SMARCA2: variants seen among roughly 807,000 people sequenced by gnomAD.
SMARCA2 encodes the protein SWI/SNF-related matrix-associated actin-dependent regulator of chromatin subfamily A member 2.
SMARCA2 carries 61 observed loss-of-function variants against 199.8 expected under a neutral mutation model. The observed-to-expected ratio is 0.31, with a 90% confidence interval of 0.25 to 0.38. The LOEUF (loss-of-function observed/expected upper bound fraction) is 0.38, where lower values mean the gene tolerates loss of function less well. SMARCA2 is among the 10% of genes least tolerant of loss of function. The pLI is 1.00. For synonymous variants in SMARCA2, 935 were observed against 732.0 expected (o/e 1.28, Z -4.48); for missense variants, 1,344 against 2,012.2 (o/e 0.67, Z 6.35).
At chr9:2,087,591 CATAA>C (rs1821855939) in intron 18 of SMARCA2, among the ~76,000 whole-genome samples, 1 of 151,366 alleles carries the variant, frequency 6.6e-6, no homozygotes. Flanking sequence ...TTTGTGTGTA[CATAA>C]ATAGTCTTCC....
At position 2,084,220 on chromosome 9, in the gene SMARCA2, C is replaced by T. The variant is rs372202222; in HGVS notation, c.2526+24C>T. ...AGGTATGTTTTTAAAAAATTATTTT[C>T]TCTCTAATTAGGACCATTGCACTGG... On this transcript the variant is annotated intron_variant, in intron 17 of 33. Transcript: ENST00000349721. The T allele has an allele frequency of 2.7e-5, 35 of 1,288,640 alleles. No individual in the cohort carries two copies. In the East Asian group the frequency reaches 7.9e-4, roughly 29 times the overall value. 79.8% of individuals were successfully genotyped at this position (1,288,640 alleles called of 1,614,324 possible).
chr9:2,015,670 A>G (rs887541229), intron 1 of SMARCA2, among the ~76,000 whole-genome samples: 1 of 152,200 alleles, frequency 6.6e-6, no homozygotes, highest in Non-Finnish European at 1.5e-5. Flanking sequence ...GAAACGAGAA[A>G]GTTTCAACCG....
rs533478877 is a variant in SMARCA2, at chr9:2,102,998, C to T, written c.3126-1005C>T. On this transcript the variant is annotated intron_variant, in intron 22 of 33. Transcript: ENST00000349721. ...TTTTTAATTTCTCAAATCCTTCTGT[C>T]TCCTTTACCCCTCAGGACCTTTATG... 1.5e-4 allele frequency among the ~76,000 whole-genome samples: 22 copies of T among 148,232 alleles called. No homozygotes were observed. In the South Asian group the frequency reaches 3.6e-3, roughly 24 times the overall value.
chr9:2,094,140 C>G (rs982435879), intron 19 of SMARCA2, among the ~76,000 whole-genome samples: 1 of 152,166 alleles, frequency 6.6e-6, no homozygotes, highest in African/African-American at 2.4e-5. Flanking sequence ...GAGACAAGTA[C>G]AAAAACAAAC....
chr9:2,155,052 C>A (rs943653062), intron 27 of SMARCA2, among the ~76,000 whole-genome samples: 6 of 152,104 alleles, frequency 3.9e-5, no homozygotes, highest in Non-Finnish European at 8.8e-5. Flanking sequence ...TTTGATTCTA[C>A]CCCAGGGAGC....
chr9:2,159,015 C>G (rs778042491), intron 27 of SMARCA2: 4 of 1,608,952 alleles, frequency 2.5e-6, no homozygotes, highest in East Asian at 4.5e-5. Context: ...ATTCCAAAAC[C>G]TAAATTTAAT....
Position 2,115,051 on chromosome 9 carries a change from A to G in SMARCA2, c.3457-771A>G, listed in dbSNP as rs904171306. Among the ~76,000 whole-genome samples, 1 of 152,094 alleles carries G rather than the reference A, an allele frequency of 6.6e-6. No individual in the cohort carries two copies. The highest frequency in any genetic ancestry group is 2.4e-5 in the African/African-American group (1 of 41,408). On this transcript the variant is annotated intron_variant, in intron 24 of 33. Coordinates refer to ENST00000349721, the MANE Select transcript of SMARCA2 (RefSeq NM_003070.5). The surrounding 1 kb of genome is among the most constrained non-coding windows in gnomAD (Gnocchi z 6.0). ...TATTGTTGAATGTTTCTTTTTTTAA[A>G]AAAAAAGCCATTAGAGAGAGTAAAT...
rs1644628579 is a variant in SMARCA2, at chr9:2,129,300, C to A, written c.3981+5363C>A. Among the ~76,000 whole-genome samples the A allele has an allele frequency of 1.3e-5, 2 of 152,264 alleles. 1 individual carries two copies. The highest frequency in any genetic ancestry group is 4.1e-4 in the South Asian group (2 of 4,822). On this transcript the variant is annotated intron_variant, in intron 27 of 33. Transcript: ENST00000349721. ...GGGCGTGGTGGCACGTGCCTGTAGT[C>A]CCAGCTGCTTGGGAGGCTGAGGCAG... is the stretch of plus-strand genomic sequence containing the variant.
rs749279138 is a variant in SMARCA2, at chr9:2,029,126, C to T, written c.104C>T (p.Pro35Leu). 3.7e-6 allele frequency: 6 copies of T among 1,609,242 alleles called. No homozygotes were observed. In the African/African-American group the frequency reaches 8.0e-5, roughly 22 times the overall value. The change falls in exon 2 of 34, where the codon CCA becomes CTA. Residue 35 changes from proline to leucine, a missense_variant. This residue lies in a region of SMARCA2 where 275 missense variants were observed against 247.5 expected (regional missense o/e 1.11). Coordinates refer to ENST00000349721, the MANE Select transcript of SMARCA2 (RefSeq NM_003070.5). ...PILGPSPGPG[P>L]SPGSVHSMMG... ...CTTGGGCCTAGTCCAGGACCAGGAC[C>T]ATCCCCAGGTTCCGTCCACAGCATG...
chr9:2,151,460 A>C (rs559626953), intron 27 of SMARCA2, among the ~76,000 whole-genome samples: 6 of 151,084 alleles, frequency 4.0e-5, no homozygotes, highest in African/African-American at 1.4e-4. Flanking sequence ...GGCTGGGCAC[A>C]GTGGCTCATG....
chr9:2,020,386 G>C (rs72687572), intron 1 of SMARCA2, among the ~76,000 whole-genome samples: 13,684 of 152,066 alleles, frequency 0.09, 723 homozygotes, highest in East Asian at 0.21. Context: ...TAAAGCCATG[G>C]GTCATTCGCT....
At chr9:2,163,805 G>C (rs1378790656) in intron 28 of SMARCA2, among the ~76,000 whole-genome samples, 3 of 152,152 alleles carry the variant, frequency 2.0e-5, no homozygotes, top group African/African-American at 7.2e-5. Flanking sequence ...TTCATTCTAA[G>C]GTGATGGCTG....
chr9:2,024,397 T>C (rs1818736211), intron 1 of SMARCA2, among the ~76,000 whole-genome samples: 1 of 152,174 alleles, frequency 6.6e-6, no homozygotes, highest in African/African-American at 2.4e-5. Flanking sequence ...CGCACAAGTC[T>C]GATTTCCGTA....
In SMARCA2 at chr9:2,131,571, G is replaced by T. The variant is rs1008050112; in HGVS notation, c.3981+7634G>T. Among the ~76,000 whole-genome samples, 49 of 152,164 alleles carry T rather than the reference G, an allele frequency of 3.2e-4. 1 individual carries two copies. The highest frequency in any genetic ancestry group is 1.2e-3 in the African/African-American group (48 of 41,442). On this transcript the variant is annotated intron_variant, in intron 27 of 33. Transcript: ENST00000349721. ...TTTTCCTTGACCAGTCTGTCACCAG[G>T]TGACAGCCTGAGCTTCCCATGGTGA...
rs1563814276 is a variant in SMARCA2 at position 2,161,498 on chromosome 9, C to G, written c.3982-188C>G. Among the ~76,000 whole-genome samples, 1 of 152,170 alleles carries G rather than the reference C, an allele frequency of 6.6e-6. No homozygotes were observed. The highest frequency in any genetic ancestry group is 2.4e-5 in the African/African-American group (1 of 41,444). ...ATGAAACAGACTTGAGTTAAAGATG[C>G]ATTTATCCAATATGGTAGCATTCCT... On this transcript the variant is annotated intron_variant, in intron 27 of 33. Coordinates refer to ENST00000349721, the MANE Select transcript of SMARCA2 (RefSeq NM_003070.5). The surrounding 1 kb of genome is among the most constrained non-coding windows in gnomAD (Gnocchi z 4.7).
chr9:2,065,394 T>G (rs951438108), intron 9 of SMARCA2, among the ~76,000 whole-genome samples: 2 of 152,224 alleles, frequency 1.3e-5, no homozygotes, highest in Non-Finnish European at 2.9e-5. Flanking sequence ...AGACCAGATA[T>G]AGTCTTCATT....
At chr9:2,188,010 T>C (rs941888581) in intron 32 of SMARCA2, among the ~76,000 whole-genome samples, 4 of 152,160 alleles carry the variant, frequency 2.6e-5, no homozygotes, top group African/African-American at 7.2e-5. Flanking sequence ...TGTAGAGATA[T>C]AGAATTACAC....
At chr9:2,064,820 C>T (rs1037381529) in intron 9 of SMARCA2, among the ~76,000 whole-genome samples, 1 of 152,204 alleles carries the variant, frequency 6.6e-6, no homozygotes, top group Non-Finnish European at 1.5e-5. Context: ...TCTCACAGTA[C>T]TTTAGGGTAC....
rs1474935218 is a variant in SMARCA2, at chr9:2,039,551, G to T, written c.441G>T (p.Gln147His). The T allele has an allele frequency of 1.2e-6, 2 of 1,614,138 alleles. No individual in the cohort carries two copies. The highest frequency in any genetic ancestry group is 2.2e-5 in the South Asian group (2 of 91,082). ...PMSGGGPTPPQMPPSQPGALI... is the reference protein window; with the variant it reads ...PMSGGGPTPPHMPPSQPGALI... ...CTGGAGGAGGCCCAACTCCACCTCAGATGCCACCAAGCCAGCCGGGGGCCC... is the reference window on the plus strand; with the variant it reads ...CTGGAGGAGGCCCAACTCCACCTCATATGCCACCAAGCCAGCCGGGGGCCC... Residue 147 changes from glutamine (Q) to histidine (H), a missense_variant, in exon 4 of 34, where the codon CAG becomes CAT. Gln to His is a conservative substitution (Grantham distance 24, BLOSUM62 0). Transcript: ENST00000349721. The surrounding 1 kb of genome is among the most constrained non-coding windows in gnomAD (Gnocchi z 4.8).
Sources: allele counts gnomAD v4.1 joint callset (sites outside exome capture counted in the v4.1 genomes callset), GRCh38; gene constraint gnomAD v4.1.1; regional missense constraint gnomAD v4.1.1; non-coding constraint Gnocchi (gnomAD v3.1); transcripts MANE v1.5; gene names NCBI Gene and HGNC (gene_info 2026-07-23, HGNC 2026-07-21).